The following GDNF variants were observed in gnomAD, a reference collection of about 807,000 sequenced individuals.
GDNF encodes glial cell line-derived neurotrophic factor.
In GDNF, 5 loss-of-function variants were observed where a neutral mutation model predicts 13.7. That is an observed-to-expected ratio of 0.36 (90% CI 0.19 to 0.77). The LOEUF (loss-of-function observed/expected upper bound fraction) is 0.77. GDNF is among the 30% of genes least tolerant of loss of function. The pLI, the probability that GDNF is intolerant of heterozygous loss-of-function variation, is 0.51. For synonymous variants in GDNF, 122 were observed against 112.5 expected, an observed-to-expected ratio of 1.08 and a Z score of -0.53; for missense variants, 246 against 274.3, an observed-to-expected ratio of 0.90 and a Z score of 0.73.
chr5:37,816,394 T>C (rs2111632908), intron 2 of GDNF, among the ~76,000 whole-genome samples: 1 of 152,358 alleles, frequency 6.6e-6, no homozygotes, highest in African/African-American at 2.4e-5. Flanking sequence ...AGCATAGTTT[T>C]CATTTGAATA....
intron 2 of GDNF, among the ~76,000 whole-genome samples, chr5:37,833,897 T>C (rs114576490): frequency 6.6e-6 from 1 of 152,340 alleles, no homozygotes; most frequent in African/African-American, 2.4e-5. Context: ...TATGCCCTAA[T>C]TGACTTGCTT....
chr5:37,824,742 C>T (rs928173625), intron 2 of GDNF, among the ~76,000 whole-genome samples: 2 of 152,176 alleles, frequency 1.3e-5, no homozygotes, highest in Admixed American at 1.3e-4. Context: ...GTTTGGTAGA[C>T]CGTCCTGATC....
rs1018025274 is a variant in GDNF at position 37,813,529 on chromosome 5, C to G, written c.*2122G>C. On this transcript the variant is annotated 3_prime_UTR_variant, in exon 3 of 3. Coordinates refer to ENST00000326524, the MANE Select transcript of GDNF (RefSeq NM_000514.4). ...CTAGGGCATGGAGGAGGTGGCTGTT[C>G]CCGCCCCTATGCTTCCTCCTGCTCC... 3.3e-5 allele frequency: 5 copies of G among 151,432 alleles called. No individual in the cohort carries two copies. Among genetic ancestry groups the G allele is most frequent in the Non-Finnish European group, 7.3e-5 (5 of 68,064 alleles). The allele number at this position is 151,432 out of a possible 1,614,324, so 9.4% of individuals were successfully genotyped here.
rs1002815549 is a variant in GDNF at position 37,837,639 on chromosome 5, C to G, written c.-27+1868G>C. On this transcript the variant is annotated intron_variant, in intron 1 of 2. Coordinates refer to ENST00000326524, the MANE Select transcript of GDNF (RefSeq NM_000514.4). This position sits in a 1 kb window ranked among gnomAD's most constrained non-coding sequence, Gnocchi z 6.5. ...TGTGTTATCATTTTAGTTATAAAACCGGAGAACCACCACTCCCTCTACGAG... is the reference window on the plus strand; with the variant it reads ...TGTGTTATCATTTTAGTTATAAAACGGGAGAACCACCACTCCCTCTACGAG... Among the ~76,000 whole-genome samples the G allele has an allele frequency of 6.6e-6, 1 of 152,338 alleles. No homozygotes were observed. The highest frequency in any genetic ancestry group is 1.5e-5 in the Non-Finnish European group (1 of 68,040).
In GDNF at chr5:37,813,900, T is replaced by G. The variant is rs556575483; in HGVS notation, c.*1751A>C. The G allele has an allele frequency of 6.5e-6, 1 of 153,058 alleles. No individual in the cohort carries two copies. The highest frequency in any genetic ancestry group is 2.1e-4 in the South Asian group (1 of 4,832). 9.5% of individuals were successfully genotyped at this position (153,058 alleles called of 1,614,324 possible). A position where few individuals can be genotyped will look rare whatever the true frequency, so the allele number is the denominator to read the frequency against. ...TTTAAAGGCAGCACGCTCCTAAGTA[T>G]GAGGCTCCATGTGTGTGGCTGTGGC... On this transcript the variant is annotated 3_prime_UTR_variant, in exon 3 of 3. Transcript: ENST00000326524.
At position 37,834,806 on chromosome 5, in the gene GDNF, C is replaced by G. The variant is rs756537341; in HGVS notation, c.-10G>C. The G allele has an allele frequency of 8.7e-6, 14 of 1,612,600 alleles. No individual in the cohort carries two copies. Among genetic ancestry groups the G allele is most frequent in the Non-Finnish European group, 1.1e-5 (13 of 1,179,374 alleles). On this transcript the variant is annotated 5_prime_UTR_variant, in exon 2 of 3. Transcript: ENST00000326524. Reference sequence around the variant, plus strand: ...CATCCCATAACTTCATCTTAAAGTCCCGTCCGGCGGCGGCACCTGCGCGGG... The same window carrying G: ...CATCCCATAACTTCATCTTAAAGTCGCGTCCGGCGGCGGCACCTGCGCGGG...
rs148433498 is a variant in GDNF, at chr5:37,816,698, G to A, written c.152-563C>T. ...CACGCACTAAACTTTGAGAGACACC[G>A]TCTTAGAGGGTGAAAAAACTGAGGC... is the stretch of plus-strand genomic sequence containing the variant. On this transcript the variant is annotated intron_variant, in intron 2 of 2. Transcript: ENST00000326524. Among the ~76,000 whole-genome samples the A allele has an allele frequency of 4.3e-3, 647 of 152,214 alleles. 4 individuals carry two copies. The highest frequency in any genetic ancestry group is 0.014 in the African/African-American group (600 of 41,546).
In GDNF at chr5:37,814,938, C is replaced by T. The variant is rs1444725471; in HGVS notation, c.*713G>A. The T allele has an allele frequency of 1.3e-5, 2 of 152,454 alleles. No homozygotes were observed. The highest frequency in any genetic ancestry group is 2.9e-5 in the Non-Finnish European group (2 of 68,262). The allele number at this position is 152,454 out of a possible 1,614,324, so 9.4% of individuals were successfully genotyped here. A position where few individuals can be genotyped will look rare whatever the true frequency, so the allele number is the denominator to read the frequency against. ...TGTTTCCAAGGACATAAAGGAAATA[C>T]CTTCAGGTTTGTGTTTAATCATGAG... On this transcript the variant is annotated 3_prime_UTR_variant, in exon 3 of 3. Coordinates refer to ENST00000326524, the MANE Select transcript of GDNF (RefSeq NM_000514.4).
At chr5:37,820,319 T>C (rs1308839600) in intron 2 of GDNF, among the ~76,000 whole-genome samples, 1 of 152,186 alleles carries the variant, frequency 6.6e-6, no homozygotes, top group East Asian at 1.9e-4. Flanking sequence ...ATTACTAGAG[T>C]TACAATCATA....
chr5:37,816,213 C>G lies in GDNF; in HGVS notation c.152-78G>C, dbSNP rs781131051. 29 of 1,500,304 alleles carry G rather than the reference C, an allele frequency of 1.9e-5. No homozygotes were observed. In the South Asian group the frequency reaches 2.9e-4, roughly 15 times the overall value. The allele number at this position is 1,500,304 out of a possible 1,614,324, so 92.9% of individuals were successfully genotyped here. On this transcript the variant is annotated intron_variant, in intron 2 of 2. Coordinates refer to ENST00000326524, the MANE Select transcript of GDNF (RefSeq NM_000514.4). ...GCCGTCTTCAAGATCAAAGTGCCCC[C>G]CTAAAGTCAGCAAAAATTGGACCCA...
rs1451377947 is a variant in GDNF, at chr5:37,838,387, T to C, written c.-27+1120A>G. Among the ~76,000 whole-genome samples, 2 of 152,146 alleles carry C rather than the reference T, an allele frequency of 1.3e-5. No individual in the cohort carries two copies. Among genetic ancestry groups the C allele is most frequent in the African/African-American group, 2.4e-5 (1 of 41,420 alleles). On this transcript the variant is annotated intron_variant, in intron 1 of 2. Coordinates refer to ENST00000326524, the MANE Select transcript of GDNF (RefSeq NM_000514.4). This position sits in a 1 kb window ranked among gnomAD's most constrained non-coding sequence, Gnocchi z 4.1. ...GCTTTGACGGCTTTGCGGGACTGGG[T>C]GCGTGAATGAGGTTGGAAGAAACAT...
intron 2 of GDNF, 73 bp from the exon 3 acceptor site, chr5:37,816,208 G>T: frequency 1.3e-6 from 2 of 1,533,268 alleles, no homozygotes; most frequent in Non-Finnish European, 1.8e-6. Context: ...AGATCAAAGT[G>T]CCCCCCTAAA....
At chr5:37,825,942 T>C (rs972998074) in intron 2 of GDNF, among the ~76,000 whole-genome samples, 18 of 152,212 alleles carry the variant, frequency 1.2e-4, no homozygotes, top group Admixed American at 3.3e-4. Flanking sequence ...TCAAAGACTC[T>C]TCAGGTAATG....
Position 37,839,128 on chromosome 5 carries a change from A to G in GDNF, c.-27+379T>C, listed in dbSNP as rs975700545. 6.6e-6 allele frequency among the ~76,000 whole-genome samples: 1 copy of G among 152,136 alleles called. No homozygotes were observed. The highest frequency in any genetic ancestry group is 2.4e-5 in the African/African-American group (1 of 41,440). ...TAGTATCTCTGCACGTCCAGAGAGG[A>G]CACATTTCGACGGCGGTGGGTTCGA... On this transcript the variant is annotated intron_variant, in intron 1 of 2. Transcript: ENST00000326524. The surrounding 1 kb of genome is among the most constrained non-coding windows in gnomAD (Gnocchi z 5.5).
At chr5:37,825,769 C>T (rs1750291584) in intron 2 of GDNF, among the ~76,000 whole-genome samples, 1 of 152,102 alleles carries the variant, frequency 6.6e-6, no homozygotes, top group Non-Finnish European at 1.5e-5. Flanking sequence ...ACCCACTGAG[C>T]AGTAGGTAAA....
At chr5:37,831,451 A>T (rs1033706585) in intron 2 of GDNF, among the ~76,000 whole-genome samples, 1 of 152,254 alleles carries the variant, frequency 6.6e-6, no homozygotes, top group East Asian at 1.9e-4. Flanking sequence ...GCTTTTACTT[A>T]TTAAATACAT....
intron 2 of GDNF, among the ~76,000 whole-genome samples, chr5:37,819,497 G>C (rs1750051203): frequency 6.8e-6 from 1 of 146,404 alleles, no homozygotes; most frequent in South Asian, 2.2e-4. Flanking sequence ...TTGTCGCCCA[G>C]GCTGGAGTGC....
At chr5:37,825,507 G>A (rs192473812) in intron 2 of GDNF, among the ~76,000 whole-genome samples, 283 of 152,260 alleles carry the variant, frequency 1.9e-3, no homozygotes, top group African/African-American at 6.5e-3. Context: ...ACAAGCTAAT[G>A]AGCACACACC....
intron 2 of GDNF, among the ~76,000 whole-genome samples, chr5:37,818,944 T>C (rs1750025190): frequency 6.6e-6 from 1 of 151,964 alleles, no homozygotes; most frequent in Non-Finnish European, 1.5e-5. Context: ...CCCTCCACCA[T>C]AATTCTTGCT....
Sources: allele counts gnomAD v4.1 joint callset (sites outside exome capture counted in the v4.1 genomes callset), GRCh38; gene constraint gnomAD v4.1.1; non-coding constraint Gnocchi (gnomAD v3.1); transcripts MANE v1.5; gene names NCBI Gene and HGNC (gene_info 2026-07-23, HGNC 2026-07-21).